SNAP23: variants seen among roughly 807,000 people sequenced by gnomAD.
SNAP23 encodes synaptosomal-associated protein 23.
A neutral mutation model predicts 29.0 loss-of-function variants in SNAP23; 11 were observed. The ratio of observed to expected loss-of-function variants is 0.38; its 90% confidence interval spans 0.24 to 0.63. The LOEUF is 0.63. Ranked by LOEUF, SNAP23 falls within the 20% of genes least tolerant of loss-of-function variation. SNAP23 has a pLI of 0.58. For synonymous variants in SNAP23, 60 were observed against 82.9 expected (o/e 0.72, Z 1.50); for missense variants, 220 against 253.9 (o/e 0.87, Z 0.91).
chr15:42,500,185 A>G (rs1031437049), intron 1 of SNAP23, among the ~76,000 whole-genome samples: 1 of 4,280 alleles, frequency 2.3e-4, no homozygotes, highest in Non-Finnish European at 5.0e-4. Flanking sequence ...CCCCCGCCCC[A>G]ATTTGGTTCC....
At chr15:42,528,134 T>G in intron 5 of SNAP23, 128 bp from the exon 6 acceptor site, 2 of 610,188 alleles carry the variant, frequency 3.3e-6, no homozygotes, top group Non-Finnish European at 5.5e-6. Flanking sequence ...GTAGATCATC[T>G]AGACTTAGCT....
intron 5 of SNAP23, among the ~76,000 whole-genome samples, chr15:42,519,273 T>C (rs2057423687): frequency 6.6e-6 from 1 of 152,028 alleles, no homozygotes. Context: ...CAGGCTGGTC[T>C]TGAACTCCTG....
intron 1 of SNAP23, among the ~76,000 whole-genome samples, chr15:42,499,630 T>A (rs2057251926): frequency 6.6e-6 from 1 of 152,218 alleles, no homozygotes; most frequent in Admixed American, 6.5e-5. Context: ...TTAGCATCCA[T>A]TATAATAAAT....
rs1247308948 is a variant in SNAP23 at position 42,532,700 on chromosome 15, T to C, written c.*1222T>C. 6.5e-6 allele frequency: 1 copy of C among 152,682 alleles called. No individual in the cohort carries two copies. Among genetic ancestry groups the C allele is most frequent in the Non-Finnish European group, 1.5e-5 (1 of 68,036 alleles). 9.5% of individuals were successfully genotyped at this position (152,682 alleles called of 1,614,324 possible). ...TTCAGATTTACCTCAATGCTAAGAA[T>C]TATGTTTAGTTAGGAAAAAGGAAAG... On this transcript the variant is annotated 3_prime_UTR_variant, in exon 8 of 8. Transcript: ENST00000249647.
At chr15:42,494,926 T>C (rs2057203912), upstream of SNAP23, among the ~76,000 whole-genome samples, 1 of 152,212 alleles carries the variant, frequency 6.6e-6, no homozygotes, top group African/African-American at 2.4e-5. Context: ...CTTAAAACTC[T>C]TCAATAGCTT....
upstream of SNAP23, chr15:42,492,638 C>A (rs2617234): frequency 0.97 from 143,538 of 147,354 alleles, 69,975 homozygotes; most frequent in Non-Finnish European, 1. Flanking sequence ...AGACCTCGCC[C>A]CTGCACTCCA....
chr15:42,523,442 A>G (rs191432950), intron 5 of SNAP23, among the ~76,000 whole-genome samples: 1 of 152,340 alleles, frequency 6.6e-6, no homozygotes, highest in East Asian at 1.9e-4. Context: ...CGATATTCCA[A>G]CTACATTCAT....
intron 5 of SNAP23, among the ~76,000 whole-genome samples, chr15:42,518,462 G>A (rs1269492442): frequency 1.3e-5 from 2 of 148,784 alleles, no homozygotes; most frequent in Non-Finnish European, 3.0e-5. Context: ...TCGAGACAGG[G>A]TCTCGCTCTG....
intron 1 of SNAP23, among the ~76,000 whole-genome samples, chr15:42,506,813 G>GA (rs1309741563): frequency 1.3e-5 from 2 of 150,954 alleles, no homozygotes; most frequent in Admixed American, 6.6e-5. Context: ...ACAGTCAACA[G>GA]AAAAAACTTT....
Position 42,532,392 on chromosome 15 carries a change from CTT to C in SNAP23, c.*915_*916del, listed in dbSNP as rs2057575103. On this transcript the variant is annotated 3_prime_UTR_variant, in exon 8 of 8. Coordinates refer to ENST00000249647, the MANE Select transcript of SNAP23 (RefSeq NM_003825.4). ...GAGCCACTGTGCCTGGCTGAGTTTTCTTAAAGTGAGCTTAATTTCTGAACTCT... is the reference window on the plus strand; with the variant it reads ...GAGCCACTGTGCCTGGCTGAGTTTTCAAAGTGAGCTTAATTTCTGAACTCT... 1.3e-5 allele frequency: 2 copies of C among 152,106 alleles called. No homozygotes were observed. Among genetic ancestry groups the C allele is most frequent in the Admixed American group, 1.3e-4 (2 of 15,268 alleles). The allele number at this position is 152,106 out of a possible 1,614,324, so 9.4% of individuals were successfully genotyped here.
intron 1 of SNAP23, 137 bp from the exon 2 acceptor site, chr15:42,511,696 G>T: frequency 2.2e-6 from 1 of 448,894 alleles, no homozygotes; most frequent in Non-Finnish European, 4.0e-6. Flanking sequence ...TAGACTAATA[G>T]ATATAGAAAG....
intron 5 of SNAP23, among the ~76,000 whole-genome samples, chr15:42,516,237 T>G (rs540297822): frequency 6.6e-6 from 1 of 152,322 alleles, no homozygotes; most frequent in East Asian, 1.9e-4. Context: ...TGATCACAGC[T>G]CACTGCAGCC....
At chr15:42,509,570 G>C (rs2057343608) in intron 1 of SNAP23, among the ~76,000 whole-genome samples, 1 of 151,522 alleles carries the variant, frequency 6.6e-6, no homozygotes, top group Admixed American at 6.6e-5. Context: ...CTCCCGAGTA[G>C]CTGGGATTAC....
chr15:42,524,603 C>T (rs1013026022), intron 5 of SNAP23, among the ~76,000 whole-genome samples: 2 of 152,128 alleles, frequency 1.3e-5, no homozygotes, highest in East Asian at 1.9e-4. Flanking sequence ...ACAATTTCAT[C>T]CCCAAAGCAT....
chr15:42,529,453 T>G (rs1263657477), intron 6 of SNAP23, among the ~76,000 whole-genome samples: 1 of 152,212 alleles, frequency 6.6e-6, no homozygotes, highest in Non-Finnish European at 1.5e-5. Flanking sequence ...AAACACTGTT[T>G]CAGAGTTTCT....
At chr15:42,524,198 G>C (rs1413352400) in intron 5 of SNAP23, among the ~76,000 whole-genome samples, 1 of 152,022 alleles carries the variant, frequency 6.6e-6, no homozygotes, top group Non-Finnish European at 1.5e-5. Context: ...TAGACTACTA[G>C]AGTCTATAAT....
At chr15:42,510,211 C>A (rs762688526) in intron 1 of SNAP23, among the ~76,000 whole-genome samples, 46 of 152,138 alleles carry the variant, frequency 3.0e-4, no homozygotes, top group Non-Finnish European at 6.0e-4. Context: ...TCTTGACTTA[C>A]TTCAGCCTCA....
chr15:42,501,817 C>A (rs556101755), intron 1 of SNAP23, among the ~76,000 whole-genome samples: 1 of 152,200 alleles, frequency 6.6e-6, no homozygotes, highest in Non-Finnish European at 1.5e-5. Context: ...TTAGCTCAAT[C>A]CATGTAACAA....
At chr15:42,495,153 C>G (rs1262069914), upstream of SNAP23, 4 of 152,196 alleles carry the variant, frequency 2.6e-5, no homozygotes, top group Non-Finnish European at 5.9e-5. Context: ...CTTTCTCTGC[C>G]GGATTTCCGG....
Sources: gnomAD v4.1 joint callset for allele counts (sites outside exome capture counted in the v4.1 genomes callset) on GRCh38, gnomAD v4.1.1 for gene constraint, MANE v1.5 for transcripts, NCBI Gene and HGNC (gene_info 2026-07-23, HGNC 2026-07-21) for gene names.